The following TYW1 variants were observed in gnomAD, a reference collection of about 807,000 sequenced individuals.
TYW1 encodes the protein tRNA-yW synthesizing protein 1 homolog, also known as S-adenosyl-L-methionine-dependent tRNA 4-demethylwyosine synthase TYW1.
TYW1 carries 46 observed loss-of-function variants against 96.2 expected under a neutral mutation model. The ratio of observed to expected loss-of-function variants is 0.48; its 90% CI spans 0.38 to 0.61. The LOEUF (loss-of-function observed/expected upper bound fraction) is 0.61, where lower values mean the gene tolerates loss of function less well. TYW1 is among the 20% of genes least tolerant of loss of function. The probability of loss-of-function intolerance (pLI) is 0.00; values close to 1 mark genes in which losing one functional copy is unlikely to be tolerated. For synonymous variants in TYW1, 274 were observed against 323.0 expected (o/e 0.85, Z 1.63); for missense variants, 684 against 909.6 (o/e 0.75, Z 3.19).
intron 10 of TYW1, among the ~76,000 whole-genome samples, chr7:67,073,647 G>A (rs1164933256): frequency 4.6e-5 from 7 of 151,380 alleles, no homozygotes; most frequent in East Asian, 2.0e-4. Context: ...GGTGGCAGGC[G>A]CCTGTAATCC....
intron 13 of TYW1, among the ~76,000 whole-genome samples, chr7:67,165,139 A>T (rs1034787210): frequency 3.9e-5 from 6 of 152,144 alleles, no homozygotes; most frequent in African/African-American, 9.7e-5. Context: ...TTAAAAAAAA[A>T]TCTTTGCCAA....
intron 13 of TYW1, among the ~76,000 whole-genome samples, chr7:67,167,944 G>A (rs1457740322): frequency 4.0e-5 from 6 of 151,378 alleles, no homozygotes; most frequent in African/African-American, 1.2e-4. Flanking sequence ...TAGTAGAGAC[G>A]GGCTTTCACC....
chr7:67,217,382 T>A (rs562911765), intron 15 of TYW1, among the ~76,000 whole-genome samples: 1 of 152,200 alleles, frequency 6.6e-6, no homozygotes, highest in Non-Finnish European at 1.5e-5. Context: ...AAGAGTCTTA[T>A]AGTTTTAAGT....
intron 15 of TYW1, among the ~76,000 whole-genome samples, chr7:67,231,850 A>AT (rs34854479): frequency 0.035 from 5,085 of 147,332 alleles, 291 homozygotes; most frequent in East Asian, 0.18. Flanking sequence ...CCTCTCTTCT[A>AT]TTTTTTTTTT....
intron 12 of TYW1, among the ~76,000 whole-genome samples, chr7:67,102,537 G>C (rs2115882549): frequency 6.6e-6 from 1 of 152,276 alleles, no homozygotes; most frequent in East Asian, 1.9e-4. Context: ...TGGGCTAATA[G>C]GAAGATTAGC....
chr7:67,071,087 C>T (rs1340802115), intron 10 of TYW1, among the ~76,000 whole-genome samples: 4 of 151,374 alleles, frequency 2.6e-5, no homozygotes, highest in Non-Finnish European at 5.9e-5. Flanking sequence ...GCCTAGATCG[C>T]GCCACTGCAC....
At chr7:67,046,184 G>GC (rs1390927844) in intron 7 of TYW1, among the ~76,000 whole-genome samples, 2 of 152,296 alleles carry the variant, frequency 1.3e-5, no homozygotes, top group South Asian at 4.1e-4. Context: ...GTGAGGTGAT[G>GC]CCAAGACATG....
chr7:67,057,833 C>T (rs1351782944), intron 9 of TYW1, among the ~76,000 whole-genome samples: 1 of 152,154 alleles, frequency 6.6e-6, no homozygotes, highest in African/African-American at 2.4e-5. Flanking sequence ...GAATATTTCT[C>T]TAGACTGTGG....
intron 13 of TYW1, among the ~76,000 whole-genome samples, chr7:67,153,990 T>C (rs916503822): frequency 1.5e-4 from 22 of 149,854 alleles, no homozygotes; most frequent in Non-Finnish European, 3.0e-4. Flanking sequence ...CGCAGTGGCG[T>C]GACCTTAGCT....
intron 10 of TYW1, among the ~76,000 whole-genome samples, chr7:67,069,247 G>A (rs540661953): frequency 6.6e-6 from 1 of 152,188 alleles, no homozygotes; most frequent in Admixed American, 6.5e-5. Flanking sequence ...TTTTGAATTG[G>A]TAAACTATTT....
At chr7:67,149,464 A>G (rs969858776) in intron 13 of TYW1, among the ~76,000 whole-genome samples, 7 of 152,198 alleles carry the variant, frequency 4.6e-5, no homozygotes, top group Non-Finnish European at 8.8e-5. Context: ...CTTTCCTAGG[A>G]ATAAAAAAAA....
chr7:67,208,731 CCAGACAT>C (rs368604592), intron 15 of TYW1, among the ~76,000 whole-genome samples: 78 of 151,642 alleles, frequency 5.1e-4, no homozygotes, highest in African/African-American at 1.8e-3. Context: ...TAGAGGGATC[CCAGACAT>C]CAGTTGAATA....
chr7:67,184,311 G>A (rs1442879812), intron 14 of TYW1, among the ~76,000 whole-genome samples: 1 of 152,130 alleles, frequency 6.6e-6, no homozygotes, highest in African/African-American at 2.4e-5. Context: ...GCATGTTCCT[G>A]TGTATCCTGT....
At chr7:67,130,789 G>A (rs1798049018) in intron 13 of TYW1, among the ~76,000 whole-genome samples, 1 of 152,108 alleles carries the variant, frequency 6.6e-6, no homozygotes. Context: ...GTCTTTGGCA[G>A]CCTTCCCTAA....
At chr7:67,039,718 C>G (rs1250998196) in intron 7 of TYW1, among the ~76,000 whole-genome samples, 2 of 150,832 alleles carry the variant, frequency 1.3e-5, no homozygotes, top group East Asian at 4.0e-4. Flanking sequence ...GGCTGGGGTG[C>G]AGTGGCGCGA....
chr7:67,005,837 C>T (rs1030483178), intron 3 of TYW1, among the ~76,000 whole-genome samples: 4 of 152,058 alleles, frequency 2.6e-5, no homozygotes, highest in African/African-American at 4.8e-5. Context: ...CCCAGAGATC[C>T]TACACGTGTG....
At chr7:67,223,117 G>A (rs1446204869) in intron 15 of TYW1, among the ~76,000 whole-genome samples, 5 of 151,986 alleles carry the variant, frequency 3.3e-5, no homozygotes, top group African/African-American at 7.2e-5. Context: ...AGTTTTTAGA[G>A]CATCTTTAAG....
At chr7:67,207,065 C>T (rs989283952) in intron 15 of TYW1, among the ~76,000 whole-genome samples, 1 of 152,192 alleles carries the variant, frequency 6.6e-6, no homozygotes, top group African/African-American at 2.4e-5. Flanking sequence ...CTACCCACCC[C>T]AATTCACCTT....
At chr7:67,217,560 A>G (rs183635466) in intron 15 of TYW1, among the ~76,000 whole-genome samples, 10 of 152,224 alleles carry the variant, frequency 6.6e-5, no homozygotes, top group African/African-American at 1.7e-4. Flanking sequence ...TAATTTGACT[A>G]TATTTGTTAG....
Sources: allele counts gnomAD v4.1 joint callset (sites outside exome capture counted in the v4.1 genomes callset), GRCh38; gene constraint gnomAD v4.1.1; transcripts MANE v1.5; gene names NCBI Gene and HGNC (gene_info 2026-07-23, HGNC 2026-07-21).